The following KCNMB3 variants were observed in gnomAD, a reference collection of about 807,000 sequenced individuals.
The protein encoded by KCNMB3 is calcium-activated potassium channel subunit beta-3.
Under a neutral mutation model 11.9 loss-of-function variants are expected in KCNMB3, and 18 were observed. That is an observed-to-expected ratio of 1.51 (90% CI 1.04 to 2.23). The LOEUF (loss-of-function observed/expected upper bound fraction) is 2.23, where lower values mean the gene tolerates loss of function less well. Ranked by LOEUF, KCNMB3 falls within the 30% of genes most tolerant of loss-of-function variation. KCNMB3 has a pLI of 0.00. For synonymous variants in KCNMB3, 78 were observed against 119.2 expected (o/e 0.65, Z 2.25); for missense variants, 247 against 329.4 (o/e 0.75, Z 1.94).
chr3:179,263,151 G>C (rs867825491), intron 1 of KCNMB3, among the ~76,000 whole-genome samples: 2 of 152,214 alleles, frequency 1.3e-5, no homozygotes, highest in East Asian at 3.9e-4. Context: ...CCACGGAGGC[G>C]GGGGGAGGCT....
At chr3:179,244,203 G>A (rs923490806) in intron 2 of KCNMB3, among the ~76,000 whole-genome samples, 12 of 151,950 alleles carry the variant, frequency 7.9e-5, no homozygotes, top group Middle Eastern at 3.2e-3. Context: ...GTCATATGGC[G>A]CGGAGTGGAA....
At chr3:179,255,102 T>C (rs959977633), upstream of KCNMB3, among the ~76,000 whole-genome samples, 2 of 151,972 alleles carry the variant, frequency 1.3e-5, no homozygotes, top group Non-Finnish European at 2.9e-5. Context: ...AAGGTGGATG[T>C]TGCAGTGAGC....
upstream of KCNMB3, chr3:179,251,608 G>C (rs78806188): frequency 9.4e-5 from 119 of 1,270,274 alleles, no homozygotes; most frequent in East Asian, 3.4e-3. Flanking sequence ...ATACATTCTC[G>C]CAGGGCAGGG....
chr3:179,263,525 A>T (rs999577984), intron 1 of KCNMB3, among the ~76,000 whole-genome samples: 3 of 152,264 alleles, frequency 2.0e-5, no homozygotes, highest in Admixed American at 2.0e-4. Context: ...AAGGGCTGCC[A>T]GCACGTTGTC....
At chr3:179,258,309 T>G (rs1726090489) in intron 1 of KCNMB3, among the ~76,000 whole-genome samples, 1 of 152,236 alleles carries the variant, frequency 6.6e-6, no homozygotes, top group South Asian at 2.1e-4. Context: ...ATCATCAGCA[T>G]GAAGTTAAAA....
At chr3:179,260,191 TCC>T in intron 1 of KCNMB3, 1 of 1,613,282 alleles carries the variant, frequency 6.2e-7, no homozygotes, top group Non-Finnish European at 8.5e-7. Context: ...TCTGTGTGGC[TCC>T]CACCATCTAA....
Position 179,250,885 on chromosome 3 carries a change from C to T in KCNMB3, c.106G>A (p.Gly36Arg), listed in dbSNP as rs1252508646. The change falls in exon 1 of 3, where the codon GGA becomes AGA. Residue 36 changes from glycine (G) to arginine (R), a missense_variant. Coordinates refer to ENST00000392685, the MANE Select transcript of KCNMB3 (RefSeq NM_171830.2). ...CTCTTGTGCACATCTAGTGGGTCTC[C>T]ATCACTGTAGTCTGTCTCTCTCTTC... Reference protein sequence around the residue: ...GKKRETDYSDGDPLDVHKRLP... With the variant: ...GKKRETDYSDRDPLDVHKRLP... 1 of 1,614,038 alleles carries T rather than the reference C, an allele frequency of 6.2e-7. No homozygotes were observed. Among genetic ancestry groups the T allele is most frequent in the Non-Finnish European group, 8.5e-7 (1 of 1,180,024 alleles).
chr3:179,265,164 C>CA (rs1231838993), intron 1 of KCNMB3, among the ~76,000 whole-genome samples: 2 of 152,126 alleles, frequency 1.3e-5, no homozygotes, highest in Non-Finnish European at 2.9e-5. Flanking sequence ...TGTCTGTTCA[C>CA]AAAAAAATTG....
At position 179,244,626 on chromosome 3, in the gene KCNMB3, C is replaced by T. The variant is rs1231484736; in HGVS notation, c.316G>A (p.Ala106Thr). The part of the protein sequence containing the change: ...TDIMDDWLDC[A>T]FTCGVHCHGQ... ...TGGCAGTGCACACCACAGGTGAAGG[C>T]ACAGTCCAGCCAGTCGTCCATGATA... The change falls in exon 2 of 3, where the codon GCC becomes ACC. Residue 106 changes from alanine (A) to threonine (T), a missense_variant. By Grantham distance (58) the Ala-to-Thr change is moderately conservative. Around this residue, in one of 2 missense-constraint regions of KCNMB3, gnomAD observed 160 missense variants for 157.5 expected, o/e 1.02. Transcript: ENST00000392685. The T allele has an allele frequency of 2.5e-6, 4 of 1,614,008 alleles. No homozygotes were observed. Among genetic ancestry groups the T allele is most frequent in the Non-Finnish European group, 3.4e-6 (4 of 1,179,990 alleles).
upstream of KCNMB3, among the ~76,000 whole-genome samples, chr3:179,253,742 G>A (rs1163403835): frequency 6.6e-6 from 1 of 151,982 alleles, no homozygotes; most frequent in African/African-American, 2.4e-5. Context: ...GGTGGCAGAG[G>A]TTGCAGTGAG....
chr3:179,257,293 A>G (rs1464853455), intron 1 of KCNMB3, among the ~76,000 whole-genome samples: 2 of 152,240 alleles, frequency 1.3e-5, no homozygotes, highest in Non-Finnish European at 2.9e-5. Flanking sequence ...CAATTACATA[A>G]TAACACTTAT....
rs117400280 is a variant in KCNMB3 at position 179,245,121 on chromosome 3, A to G, written c.249-428T>C. Among the ~76,000 whole-genome samples, 5 of 152,308 alleles carry G rather than the reference A, an allele frequency of 3.3e-5. No homozygotes were observed. In the East Asian group the frequency reaches 9.7e-4, roughly 29 times the overall value. On this transcript the variant is annotated intron_variant, in intron 1 of 2. Coordinates refer to ENST00000392685, the MANE Select transcript of KCNMB3 (RefSeq NM_171830.2). ...GCAGGTATTTGGAGAACCACAGTGT[A>G]AACAGTGTTAGCATTACCATAATGC...
rs202246242 is a variant in KCNMB3, at chr3:179,243,070, G to A, written c.662C>T (p.Ala221Val). ...TAATCTCACCATGCCAACAATCAGG[G>A]CACCACCTAGCAGAGTCAGTGAAGG... ...FWPSLTLLGG[A>V]LIVGMVRLTQ... is the part of the protein sequence containing the mutation. The change falls in exon 3 of 3, where the codon GCC (alanine) becomes GTC (valine). Residue 221 changes from alanine to valine, a missense_variant. This residue lies in a region of KCNMB3 where 87 missense variants were observed against 171.9 expected (regional missense o/e 0.51). Transcript: ENST00000392685. 1.3e-5 allele frequency: 20 copies of A among 1,579,380 alleles called. No homozygotes were observed. The highest frequency in any genetic ancestry group is 1.7e-5 in the Non-Finnish European group (20 of 1,162,444).
At chr3:179,255,365 C>G (rs1725980493), upstream of KCNMB3, among the ~76,000 whole-genome samples, 1 of 151,346 alleles carries the variant, frequency 6.6e-6, no homozygotes, top group Non-Finnish European at 1.5e-5. Flanking sequence ...TGTCAGAAAT[C>G]AAGGAATTCT....
At chr3:179,254,926 A>G (rs1330176009), upstream of KCNMB3, among the ~76,000 whole-genome samples, 1 of 152,192 alleles carries the variant, frequency 6.6e-6, no homozygotes, top group East Asian at 1.9e-4. Context: ...GCACTTTCAG[A>G]GGCTAAGGCA....
In KCNMB3 at chr3:179,259,348, C is replaced by T. The variant is rs1726125556; in HGVS notation, c.62+7301G>A. The stretch of plus-strand genomic sequence containing the variant: ...GCTATTTTAGCATTATCTTTTGCAA[C>T]ACCTTCATCTAATTCTTCACCACCA... On this transcript the variant is annotated intron_variant, in intron 1 of 3. Transcript: ENST00000349697. 1.9e-6 allele frequency: 3 copies of T among 1,564,314 alleles called. No homozygotes were observed. The African/African-American group carries it at 4.1e-5, about 21-fold the overall frequency.
upstream of KCNMB3, among the ~76,000 whole-genome samples, chr3:179,254,065 C>T (rs917629139): frequency 6.6e-6 from 1 of 152,154 alleles, no homozygotes; most frequent in Non-Finnish European, 1.5e-5. Context: ...ATTTGCGGAA[C>T]TTGGTGAACT....
chr3:179,262,545 C>T (rs6443631), intron 1 of KCNMB3, among the ~76,000 whole-genome samples: 107,146 of 152,128 alleles, frequency 0.7, 38,577 homozygotes, highest in East Asian at 0.93. Flanking sequence ...TCCTCCACAG[C>T]GTGGAAAGGG....
rs551233041 is a variant in KCNMB3, at chr3:179,263,064, C to T, written c.62+3585G>A. Reference sequence around the variant, plus strand: ...TGTGCGTGTGCCCGCACTCCTCAGACCTTGAGTGGTGGATGGGACTGGGTG... The same window carrying T: ...TGTGCGTGTGCCCGCACTCCTCAGATCTTGAGTGGTGGATGGGACTGGGTG... On this transcript the variant is annotated intron_variant, in intron 1 of 3. Transcript: ENST00000349697. Among the ~76,000 whole-genome samples, 10 of 152,366 alleles carry T rather than the reference C, an allele frequency of 6.6e-5. No homozygotes were observed. The South Asian group carries it at 2.1e-3, about 32-fold the overall frequency.
Sources: allele counts gnomAD v4.1 joint callset (sites outside exome capture counted in the v4.1 genomes callset), GRCh38; gene constraint gnomAD v4.1.1; regional missense constraint gnomAD v4.1.1; transcripts MANE v1.5; gene names NCBI Gene and HGNC (gene_info 2026-07-23, HGNC 2026-07-21).